Variants in NELL1 observed in about 807,000 individuals in gnomAD.
NELL1 encodes neural EGFL like 1.
In NELL1, 76 loss-of-function variants were observed where a neutral mutation model predicts 107.4. The ratio of observed to expected loss-of-function variants is 0.71; its 90% CI spans 0.59 to 0.86. The LOEUF (loss-of-function observed/expected upper bound fraction) is 0.86. NELL1 is among the 40% of genes least tolerant of loss of function. The probability of loss-of-function intolerance (pLI) is 0.00; values close to 1 mark genes in which losing one functional copy is unlikely to be tolerated. For missense variants in NELL1, 1,024 were observed against 1,005.5 expected, an observed-to-expected ratio of 1.02 and a Z score of -0.25; for synonymous variants, 353 against 341.2, an observed-to-expected ratio of 1.03 and a Z score of -0.38.
At chr11:20,871,388 C>T (rs1849193591) in intron 4 of NELL1, among the ~76,000 whole-genome samples, 1 of 152,108 alleles carries the variant, frequency 6.6e-6, no homozygotes, top group African/African-American at 2.4e-5. Flanking sequence ...TTCATCTGCC[C>T]TATAATGCAG....
rs961662392 is a variant in NELL1 at position 20,895,135 on chromosome 11, A to G, written c.603+9595A>G. On this transcript the variant is annotated intron_variant, in intron 5 of 19. Transcript: ENST00000357134. ...AAATACAAAAAAATTAGCCGGGCGT[A>G]GTGGCGGGCGCCTGTAGTCCCAGCT... is the stretch of plus-strand genomic sequence containing the variant. Among the ~76,000 whole-genome samples the G allele has an allele frequency of 4.7e-4, 67 of 143,134 alleles. 2 individuals carry two copies. The highest frequency in any genetic ancestry group is 1.6e-3 in the African/African-American group (60 of 36,758). The allele number at this position is 143,134 out of a possible 152,430, so 93.9% of individuals were successfully genotyped here. A position where few individuals can be genotyped will look rare whatever the true frequency, so the allele number is the denominator to read the frequency against.
intron 12 of NELL1, among the ~76,000 whole-genome samples, chr11:20,998,464 AT>A (rs908385097): frequency 4.6e-5 from 7 of 151,538 alleles, no homozygotes; most frequent in African/African-American, 9.7e-5. Flanking sequence ...TTAGTTTACA[AT>A]TTTTTTTTCC....
At chr11:20,977,212 T>C (rs1038142633) in intron 12 of NELL1, among the ~76,000 whole-genome samples, 1 of 152,014 alleles carries the variant, frequency 6.6e-6, no homozygotes, top group Non-Finnish European at 1.5e-5. Flanking sequence ...TTGAGGAAAC[T>C]AGGGCCCAGA....
chr11:20,936,672 C>A (rs549936899), intron 9 of NELL1, among the ~76,000 whole-genome samples: 1 of 152,174 alleles, frequency 6.6e-6, no homozygotes, highest in African/African-American at 2.4e-5. Flanking sequence ...TGATTGTAAG[C>A]TCCATGAGAA....
chr11:20,790,638 C>T (rs762726019), intron 3 of NELL1, among the ~76,000 whole-genome samples: 6 of 151,908 alleles, frequency 3.9e-5, no homozygotes, highest in East Asian at 1.9e-4. Context: ...CTGAGCCCAG[C>T]GAGGTAGGAC....
rs758377576 is a variant in NELL1, at chr11:21,560,347, T to A, written c.1945T>A (p.Leu649Met). The A allele has an allele frequency of 1.2e-5, 19 of 1,603,914 alleles. No homozygotes were observed. The highest frequency in any genetic ancestry group is 1.5e-5 in the Non-Finnish European group (18 of 1,175,388). ...GLKHNGQVWT[L>M]KEDRCSVCSC... The stretch of plus-strand genomic sequence containing the variant: ...GAAGCACAATGGCCAGGTGTGGACC[T>A]TGAAAGAAGACAGGTGTTCTGTCTG... The change falls in exon 17 of 20, where the codon TTG becomes ATG. Residue 649 changes from leucine to methionine, a missense_variant. Leu to Met is a conservative substitution (Grantham distance 15). Coordinates refer to ENST00000357134, the MANE Select transcript of NELL1 (RefSeq NM_006157.5).
chr11:21,046,214 G>T (rs1310435624), intron 12 of NELL1, among the ~76,000 whole-genome samples: 1 of 152,146 alleles, frequency 6.6e-6, no homozygotes, highest in South Asian at 2.1e-4. Flanking sequence ...ATAATAAGAA[G>T]AATATTTCTA....
intron 13 of NELL1, among the ~76,000 whole-genome samples, chr11:21,213,098 C>T (rs1454206440): frequency 1.3e-5 from 2 of 152,112 alleles, no homozygotes; most frequent in East Asian, 3.9e-4. Flanking sequence ...CACCTACTAT[C>T]ATATATAATT....
At chr11:21,099,207 A>G (rs1344573901) in intron 12 of NELL1, among the ~76,000 whole-genome samples, 2 of 134,516 alleles carry the variant, frequency 1.5e-5, no homozygotes, top group Admixed American at 7.3e-5. Context: ...ACACACACAC[A>G]CACACACACA....
At chr11:21,171,209 A>G (rs1297989648) in intron 13 of NELL1, among the ~76,000 whole-genome samples, 1 of 151,804 alleles carries the variant, frequency 6.6e-6, no homozygotes, top group African/African-American at 2.4e-5. Flanking sequence ...CTCCTAACAA[A>G]GGGTACCCAT....
At chr11:21,363,711 C>A (rs541106450) in intron 14 of NELL1, among the ~76,000 whole-genome samples, 1 of 152,146 alleles carries the variant, frequency 6.6e-6, no homozygotes, top group Non-Finnish European at 1.5e-5. Context: ...ATAAGACTAT[C>A]CTCTCAAAAT....
intron 12 of NELL1, among the ~76,000 whole-genome samples, chr11:21,039,748 G>C (rs928777649): frequency 6.6e-6 from 1 of 152,100 alleles, no homozygotes; most frequent in Non-Finnish European, 1.5e-5. Context: ...AACTAACAGA[G>C]AGAAAAATTC....
At chr11:20,937,251 A>G (rs2134184746) in intron 9 of NELL1, among the ~76,000 whole-genome samples, 1 of 152,244 alleles carries the variant, frequency 6.6e-6, no homozygotes, top group Middle Eastern at 3.4e-3. Context: ...CATTCTCTCT[A>G]GTGCATTGAT....
chr11:21,351,479 G>A (rs1850814521), intron 14 of NELL1, among the ~76,000 whole-genome samples: 1 of 149,838 alleles, frequency 6.7e-6, no homozygotes, highest in Non-Finnish European at 1.5e-5. Context: ...AATAATTGCA[G>A]GCAGAAAAAA....
chr11:21,436,059 A>C (rs1350647299), intron 15 of NELL1, among the ~76,000 whole-genome samples: 1 of 151,284 alleles, frequency 6.6e-6, no homozygotes, highest in Non-Finnish European at 1.5e-5. Context: ...TTTCTTTCTT[A>C]TGTATTTATT....
Position 20,953,297 on chromosome 11 carries a change from G to C in NELL1, c.1171+5862G>C, listed in dbSNP as rs1382220042. ...AAGGTAACCTGCCTGACCTGCTGGG[G>C]TATACTTTAGGGGCAGGAGATTGAG... On this transcript the variant is annotated intron_variant, in intron 11 of 19. Coordinates refer to ENST00000357134, the MANE Select transcript of NELL1 (RefSeq NM_006157.5). Among the ~76,000 whole-genome samples, 6 of 152,172 alleles carry C rather than the reference G, an allele frequency of 3.9e-5. No homozygotes were observed. The South Asian group carries it at 8.3e-4, about 21-fold the overall frequency.
At position 20,690,206 on chromosome 11, in the gene NELL1, T is replaced by C. The variant is rs1430969139; in HGVS notation, c.184+12146T>C. 8.2e-3 allele frequency among the ~76,000 whole-genome samples: 1,243 copies of C among 152,228 alleles called. 12 individuals carry two copies. Among genetic ancestry groups the C allele is most frequent in the African/African-American group, 0.028 (1,180 of 41,538 alleles). On this transcript the variant is annotated intron_variant, in intron 2 of 19. Transcript: ENST00000357134. ...AGCCCTTTGTCAGATGAGTAGGTTG[T>C]GAAAATTTTCTCCCATTCTGTAGGT...
chr11:21,270,764 C>A (rs1457586203), intron 14 of NELL1, among the ~76,000 whole-genome samples: 1 of 152,082 alleles, frequency 6.6e-6, no homozygotes, highest in Non-Finnish European at 1.5e-5. Context: ...TCAAAATAAA[C>A]CATGTTCTGG....
At chr11:20,997,716 C>T (rs950358763) in intron 12 of NELL1, among the ~76,000 whole-genome samples, 8 of 152,188 alleles carry the variant, frequency 5.3e-5, no homozygotes, top group Non-Finnish European at 7.3e-5. Context: ...GGATCAGGCA[C>T]GGTGGCTTAC....
Sources: allele counts gnomAD v4.1 joint callset (sites outside exome capture counted in the v4.1 genomes callset), GRCh38; gene constraint gnomAD v4.1.1; transcripts MANE v1.5; gene names NCBI Gene and HGNC (gene_info 2026-07-23, HGNC 2026-07-21).